PALM2AKAP2: variants seen among roughly 807,000 people sequenced by gnomAD.
PALM2AKAP2 encodes the protein PALM2-AKAP2 fusion protein.
PALM2AKAP2 carries 37 observed loss-of-function variants against 71.5 expected under a neutral mutation model. The observed-to-expected ratio is 0.52, with a 90% confidence interval of 0.40 to 0.68. PALM2AKAP2 has a LOEUF of 0.68. Ranked by LOEUF, PALM2AKAP2 falls within the 30% of genes least tolerant of loss-of-function variation. PALM2AKAP2 has a pLI of 0.00. For synonymous variants in PALM2AKAP2, 468 were observed against 478.8 expected (o/e 0.98, Z 0.29); for missense variants, 1,224 against 1,191.8 (o/e 1.03, Z -0.40).
chr9:109,677,025 G>A (rs1228867057), intron 1 of PALM2AKAP2, among the ~76,000 whole-genome samples: 1 of 152,092 alleles, frequency 6.6e-6, no homozygotes, highest in Non-Finnish European at 1.5e-5. Flanking sequence ...CCGAAATAAG[G>A]GTCACAAAAG....
chr9:109,909,089 T>C (rs1033599896), intron 3 of PALM2AKAP2, among the ~76,000 whole-genome samples: 1 of 151,614 alleles, frequency 6.6e-6, no homozygotes, highest in African/African-American at 2.4e-5. Context: ...CTTCTACTTA[T>C]GGTTTTATTT....
chr9:109,837,205 G>C (rs1828505885), intron 1 of PALM2AKAP2, among the ~76,000 whole-genome samples: 1 of 152,236 alleles, frequency 6.6e-6, no homozygotes, highest in Admixed American at 6.5e-5. Context: ...CAAGCCAGAA[G>C]AGAGTGGGGG....
intron 3 of PALM2AKAP2, among the ~76,000 whole-genome samples, chr9:110,164,770 A>G (rs1230055048): frequency 6.6e-6 from 1 of 152,126 alleles, no homozygotes; most frequent in Non-Finnish European, 1.5e-5. Context: ...GTCTCAAGCA[A>G]TCTGCCTGCC....
At chr9:110,023,072 A>C (rs1464230943) in intron 7 of PALM2AKAP2, among the ~76,000 whole-genome samples, 3 of 151,916 alleles carry the variant, frequency 2.0e-5, no homozygotes, top group African/African-American at 7.3e-5. Context: ...AGCATGATTT[A>C]TAATCCTTTG....
At chr9:110,040,310 A>G (rs1833488676) in intron 7 of PALM2AKAP2, among the ~76,000 whole-genome samples, 1 of 152,198 alleles carries the variant, frequency 6.6e-6, no homozygotes, top group Admixed American at 6.5e-5. Context: ...AGAAGTAATT[A>G]ATTTATTCTG....
At chr9:110,001,921 T>C (rs907282705) in intron 6 of PALM2AKAP2, among the ~76,000 whole-genome samples, 1 of 152,158 alleles carries the variant, frequency 6.6e-6, no homozygotes, top group Non-Finnish European at 1.5e-5. Context: ...TGGGCTGAGA[T>C]GATGGGGTTT....
chr9:110,034,604 C>CT (rs57708385), intron 7 of PALM2AKAP2, among the ~76,000 whole-genome samples: 5,366 of 118,066 alleles, frequency 0.045, 195 homozygotes, highest in African/African-American at 0.099. Context: ...ATATATTCCC[C>CT]TTTTTTTTTT....
At chr9:109,726,431 G>A (rs1331199692) in intron 1 of PALM2AKAP2, among the ~76,000 whole-genome samples, 3 of 152,216 alleles carry the variant, frequency 2.0e-5, no homozygotes, top group African/African-American at 7.2e-5. Context: ...GGGCTGTTGT[G>A]TTTCCTCCAG....
intron 2 of PALM2AKAP2, chr9:110,148,568 C>T (rs1423049502): frequency 6.6e-6 from 1 of 152,110 alleles, no homozygotes; most frequent in African/African-American, 2.4e-5. Context: ...TGAGAGGAAA[C>T]GAAATTGAAA....
chr9:109,779,566 G>A (rs1829400839), upstream of PALM2AKAP2, among the ~76,000 whole-genome samples: 1 of 152,190 alleles, frequency 6.6e-6, no homozygotes, highest in Non-Finnish European at 1.5e-5. Context: ...GTGATTAAGC[G>A]AGTTGCCTGA....
At chr9:110,144,320 G>A (rs1261391530) in intron 2 of PALM2AKAP2, among the ~76,000 whole-genome samples, 1 of 152,226 alleles carries the variant, frequency 6.6e-6, no homozygotes, top group Non-Finnish European at 1.5e-5. Flanking sequence ...GCTAGCTAAA[G>A]CTTATTGTGG....
intron 1 of PALM2AKAP2, among the ~76,000 whole-genome samples, chr9:109,755,145 TC>T (rs1828940549): frequency 1.3e-5 from 2 of 151,898 alleles, no homozygotes; most frequent in African/African-American, 4.8e-5. Flanking sequence ...CACTCACCCA[TC>T]CCCACTCCCA....
intron 1 of PALM2AKAP2, among the ~76,000 whole-genome samples, chr9:109,828,131 G>A (rs951882003): frequency 6.6e-6 from 1 of 152,146 alleles, no homozygotes; most frequent in African/African-American, 2.4e-5. Flanking sequence ...CTGTAGTTGA[G>A]GGAATTTAGG....
chr9:109,823,160 G>A (rs1307205598), intron 1 of PALM2AKAP2, among the ~76,000 whole-genome samples: 10 of 152,086 alleles, frequency 6.6e-5, no homozygotes, highest in Non-Finnish European at 1.3e-4. Flanking sequence ...AGCGAAAAGG[G>A]ACACATTTTG....
At chr9:110,062,220 A>G (rs1196149060) in intron 1 of PALM2AKAP2, among the ~76,000 whole-genome samples, 4 of 152,166 alleles carry the variant, frequency 2.6e-5, no homozygotes, top group Admixed American at 2.6e-4. Context: ...TACATGCATT[A>G]GCTAGTTATC....
chr9:110,135,299 C>CAA (rs71373970), intron 1 of PALM2AKAP2, among the ~76,000 whole-genome samples: 13 of 7,246 alleles, frequency 1.8e-3, no homozygotes, highest in African/African-American at 6.0e-3. Context: ...AATCCCATCT[C>CAA]AAAAAAAAAA....
rs577987123 is a variant in PALM2AKAP2, at chr9:109,999,076, C to T, written c.497-16878C>T. On this transcript the variant is annotated intron_variant, in intron 6 of 9. Transcript: ENST00000302798. ...GGGTCTGGCTGGGCACGGTGGCTCACGCCTGTAATCTCAGCATTTTGGGAG... is the reference window on the plus strand; with the variant it reads ...GGGTCTGGCTGGGCACGGTGGCTCATGCCTGTAATCTCAGCATTTTGGGAG... 6.6e-5 allele frequency among the ~76,000 whole-genome samples: 10 copies of T among 152,104 alleles called. No individual in the cohort carries two copies. The South Asian group carries it at 8.3e-4, about 13-fold the overall frequency.
At chr9:109,724,848 G>A (rs1411273519) in intron 1 of PALM2AKAP2, among the ~76,000 whole-genome samples, 1 of 151,974 alleles carries the variant, frequency 6.6e-6, no homozygotes, top group East Asian at 1.9e-4. Flanking sequence ...AAAAGCAGAG[G>A]CATTCAAAAC....
intron 3 of PALM2AKAP2, among the ~76,000 whole-genome samples, chr9:110,165,880 A>G (rs1836722040): frequency 6.6e-6 from 1 of 152,244 alleles, no homozygotes; most frequent in Non-Finnish European, 1.5e-5. Context: ...GAGCAGAGCA[A>G]ACTCAATTTG....
Sources: allele counts gnomAD v4.1 joint callset (sites outside exome capture counted in the v4.1 genomes callset), GRCh38; gene constraint gnomAD v4.1.1; transcripts MANE v1.5; gene names NCBI Gene and HGNC (gene_info 2026-07-23, HGNC 2026-07-21).